The following SORCS1 variants were observed in gnomAD, a reference collection of about 807,000 sequenced individuals.
SORCS1 encodes VPS10 domain-containing receptor SorCS1.
A neutral mutation model predicts 146.1 loss-of-function variants in SORCS1; 60 were observed. That is an observed-to-expected ratio of 0.41 (90% CI 0.33 to 0.51). The LOEUF is 0.51. Among genes scored for constraint, SORCS1 ranks in the 20% least tolerant of loss-of-function variants. SORCS1 has a pLI of 0.21. For synonymous variants in SORCS1, 637 were observed against 584.0 expected, an observed-to-expected ratio of 1.09 and a Z score of -1.31; for missense variants, 1,352 against 1,487.6, an observed-to-expected ratio of 0.91 and a Z score of 1.50.
the SORCS1 span, among the ~76,000 whole-genome samples, chr10:107,174,588 A>C: frequency 2.7e-4 from 41 of 152,182 alleles, no homozygotes; most frequent in African/African-American, 9.4e-4. Flanking sequence ...TTAATTTTTA[A>C]TTGATTATTG....
chr10:106,945,058 T>C (rs1954262393), intron 2 of SORCS1, among the ~76,000 whole-genome samples: 1 of 151,454 alleles, frequency 6.6e-6, no homozygotes, highest in Admixed American at 6.6e-5. Context: ...GCTAATTTTT[T>C]TGTATTTTTA....
chr10:107,031,223 A>G (rs1958638859), intron 1 of SORCS1, among the ~76,000 whole-genome samples: 2 of 152,212 alleles, frequency 1.3e-5, no homozygotes, highest in Non-Finnish European at 2.9e-5. Flanking sequence ...GAATTATTAC[A>G]TGTGTCAATA....
At chr10:106,841,097 G>T (rs187770195) in intron 2 of SORCS1, among the ~76,000 whole-genome samples, 2 of 151,216 alleles carry the variant, frequency 1.3e-5, no homozygotes, top group Admixed American at 1.3e-4. Context: ...CTCATGATCC[G>T]CCTGCCTCGG....
rs926220353 is a variant in SORCS1, at chr10:107,086,222, C to A, written c.558+77747G>T. 3.3e-5 allele frequency among the ~76,000 whole-genome samples: 5 copies of A among 152,112 alleles called. No homozygotes were observed. In the East Asian group the frequency reaches 7.7e-4, roughly 24 times the overall value. On this transcript the variant is annotated intron_variant, in intron 1 of 25. Transcript: ENST00000263054. The stretch of plus-strand genomic sequence containing the variant: ...AATCCATTGTATATTATAGTAAAAC[C>A]CAGCCAAGACTACAAAAAATGTGAA...
At chr10:106,866,979 C>T (rs1370836081) in intron 2 of SORCS1, among the ~76,000 whole-genome samples, 1 of 152,180 alleles carries the variant, frequency 6.6e-6, no homozygotes, top group Non-Finnish European at 1.5e-5. Context: ...CAGTACTCCT[C>T]CAACAAGAGT....
intron 1 of SORCS1, among the ~76,000 whole-genome samples, chr10:107,154,953 A>C (rs1969162148): frequency 6.6e-6 from 1 of 152,250 alleles, no homozygotes; most frequent in Non-Finnish European, 1.5e-5. Context: ...AGACAGAGAT[A>C]AAGTTAATTG....
chr10:106,901,487 C>T (rs1263518758), intron 2 of SORCS1, among the ~76,000 whole-genome samples: 1 of 152,146 alleles, frequency 6.6e-6, no homozygotes, highest in Non-Finnish European at 1.5e-5. Context: ...GGCTGGAGTG[C>T]AGTGGCATGA....
At chr10:106,622,674 G>A (rs970191132) in intron 19 of SORCS1, among the ~76,000 whole-genome samples, 2 of 152,180 alleles carry the variant, frequency 1.3e-5, no homozygotes, top group Non-Finnish European at 2.9e-5. Context: ...AACATTTACT[G>A]AGCGATGACT....
intron 1 of SORCS1, among the ~76,000 whole-genome samples, chr10:107,153,110 C>T (rs1439503733): frequency 1.3e-5 from 2 of 151,774 alleles, no homozygotes; most frequent in Non-Finnish European, 2.9e-5. Flanking sequence ...CCCTTTTCTT[C>T]TCTCTCTTAT....
intron 1 of SORCS1, among the ~76,000 whole-genome samples, chr10:107,070,659 C>T (rs1433135141): frequency 6.6e-6 from 1 of 152,126 alleles, no homozygotes; most frequent in African/African-American, 2.4e-5. Context: ...TTGGCTCTCA[C>T]AGAACACGAG....
At chr10:107,128,846 G>T (rs959413259) in intron 1 of SORCS1, among the ~76,000 whole-genome samples, 3 of 152,074 alleles carry the variant, frequency 2.0e-5, no homozygotes, top group Non-Finnish European at 2.9e-5. Flanking sequence ...CTCCAATAAG[G>T]TGTCCTGGGT....
intron 2 of SORCS1, among the ~76,000 whole-genome samples, chr10:106,889,884 C>CAAA (rs1324508204): frequency 1.3e-5 from 1 of 75,498 alleles, no homozygotes; most frequent in African/African-American, 9.8e-5. Context: ...GACTACGTCT[C>CAAA]AAATAAAAAA....
At chr10:106,921,375 T>C (rs886535902) in intron 2 of SORCS1, among the ~76,000 whole-genome samples, 1 of 152,198 alleles carries the variant, frequency 6.6e-6, no homozygotes, top group Non-Finnish European at 1.5e-5. Flanking sequence ...GCTCCACTGA[T>C]GCAACAGGAA....
chr10:106,929,445 C>T (rs1953270885), intron 2 of SORCS1, among the ~76,000 whole-genome samples: 1 of 152,096 alleles, frequency 6.6e-6, no homozygotes, highest in Admixed American at 6.6e-5. Flanking sequence ...AGAGATGTGG[C>T]TTATGTTTAC....
At chr10:106,647,860 TTTTTAA>T (rs1849564544) in intron 18 of SORCS1, among the ~76,000 whole-genome samples, 1 of 152,196 alleles carries the variant, frequency 6.6e-6, no homozygotes, top group East Asian at 1.9e-4. Context: ...TATCTACCGT[TTTTTAA>T]TTTTAATTTT....
chr10:106,896,356 G>A lies in SORCS1; in HGVS notation c.626+60157C>T, dbSNP rs538618508. On this transcript the variant is annotated intron_variant, in intron 2 of 25. Coordinates refer to ENST00000263054, the MANE Select transcript of SORCS1 (RefSeq NM_052918.5). Reference sequence around the variant, plus strand: ...AGGCACGAGAATTGCTTGAACCCAGGAGACAGGGGTTGCAGTGAGCCAAGA... The same window carrying A: ...AGGCACGAGAATTGCTTGAACCCAGAAGACAGGGGTTGCAGTGAGCCAAGA... Among the ~76,000 whole-genome samples, 9 of 150,742 alleles carry A rather than the reference G, an allele frequency of 6.0e-5. No homozygotes were observed. In the South Asian group the frequency reaches 1.9e-3, roughly 32 times the overall value.
chr10:107,098,145 TTGTC>T, intron 1 of SORCS1, among the ~76,000 whole-genome samples: 1 of 152,226 alleles, frequency 6.6e-6, no homozygotes, highest in Non-Finnish European at 1.5e-5. Context: ...TTTGTTGTTG[TTGTC>T]TATGTCAGGC....
At chr10:106,755,042 C>T (rs769562794) in intron 5 of SORCS1, among the ~76,000 whole-genome samples, 9 of 152,174 alleles carry the variant, frequency 5.9e-5, no homozygotes, top group Non-Finnish European at 1.2e-4. Context: ...CCTTCCATTG[C>T]TTTATACTAA....
intron 5 of SORCS1, among the ~76,000 whole-genome samples, chr10:106,760,309 T>C (rs1161819969): frequency 1.3e-5 from 2 of 151,594 alleles, no homozygotes; most frequent in Non-Finnish European, 2.9e-5. Context: ...CCAGGCGTGA[T>C]GGTGGGCGCC....
Sources: allele counts gnomAD v4.1 joint callset (sites outside exome capture counted in the v4.1 genomes callset), GRCh38; gene constraint gnomAD v4.1.1; transcripts MANE v1.5; gene names NCBI Gene and HGNC (gene_info 2026-07-23, HGNC 2026-07-21).